ADAM12: variants seen among roughly 807,000 people sequenced by gnomAD.
ADAM12 encodes ADAM metallopeptidase domain 12, also known as disintegrin and metalloproteinase domain-containing protein 12.
ADAM12 carries 70 observed loss-of-function variants against 106.4 expected under a neutral mutation model. The observed-to-expected ratio is 0.66, with a 90% CI of 0.54 to 0.80. The LOEUF is 0.80. Among genes scored for constraint, ADAM12 ranks in the 30% least tolerant of loss-of-function variants. The pLI is 0.00. For synonymous variants in ADAM12, 420 were observed against 433.5 expected, an observed-to-expected ratio of 0.97 and a Z score of 0.39; for missense variants, 1,010 against 1,171.9, an observed-to-expected ratio of 0.86 and a Z score of 2.02.
intron 3 of ADAM12, among the ~76,000 whole-genome samples, chr10:126,194,301 A>T (rs1041844770): frequency 4.7e-5 from 7 of 147,702 alleles, no homozygotes; most frequent in Non-Finnish European, 1.0e-4. Context: ...AAAAAAAAAA[A>T]GCTTTCTGGA....
rs562915489 is a variant in ADAM12, at chr10:126,100,159, C to T, written c.911+913G>A. On this transcript the variant is annotated intron_variant, in intron 9 of 22. Coordinates refer to ENST00000448723, the MANE Select transcript of ADAM12 (RefSeq NM_001288973.2). ...GGGAGATTTACAGTGTTGGTCACCA[C>T]TGTGTTCAAAGCCCCCCAAACACTC... is the stretch of plus-strand genomic sequence containing the variant. Among the ~76,000 whole-genome samples the T allele has an allele frequency of 1.3e-4, 20 of 151,984 alleles. No homozygotes were observed. The Middle Eastern group carries it at 0.01, about 78-fold the overall frequency.
At chr10:126,250,091 C>T (rs1958715476) in intron 3 of ADAM12, among the ~76,000 whole-genome samples, 1 of 152,178 alleles carries the variant, frequency 6.6e-6, no homozygotes, top group Non-Finnish European at 1.5e-5. Flanking sequence ...GACTCCAACC[C>T]ATCCGGGACT....
chr10:126,293,343 C>T (rs1247265965), intron 2 of ADAM12, among the ~76,000 whole-genome samples: 1 of 152,022 alleles, frequency 6.6e-6, no homozygotes, highest in African/African-American at 2.4e-5. Flanking sequence ...ATGGGATCCA[C>T]ACATGGAGCC....
intron 3 of ADAM12, among the ~76,000 whole-genome samples, chr10:126,259,584 A>G (rs2133705508): frequency 6.6e-6 from 1 of 152,322 alleles, no homozygotes; most frequent in East Asian, 1.9e-4. Context: ...ATGCAATTCT[A>G]ATATTTGATA....
chr10:126,056,547 T>TA (rs1954635398), intron 14 of ADAM12, among the ~76,000 whole-genome samples: 1 of 152,164 alleles, frequency 6.6e-6, no homozygotes, highest in South Asian at 2.1e-4. Context: ...GCTGCTGCTT[T>TA]AATTTGGTAG....
At chr10:126,312,787 C>T (rs1053141515) in intron 2 of ADAM12, among the ~76,000 whole-genome samples, 1 of 152,068 alleles carries the variant, frequency 6.6e-6, no homozygotes, top group Non-Finnish European at 1.5e-5. Context: ...GCCGTCAAAC[C>T]CGGGGACATC....
chr10:126,170,599 A>T (rs141829024), intron 3 of ADAM12, among the ~76,000 whole-genome samples: 1 of 152,118 alleles, frequency 6.6e-6, no homozygotes, highest in East Asian at 1.9e-4. Flanking sequence ...TGCCAGCCCC[A>T]TGCAGACACC....
intron 2 of ADAM12, among the ~76,000 whole-genome samples, chr10:126,284,531 G>A (rs1052838283): frequency 1.3e-5 from 2 of 151,992 alleles, no homozygotes; most frequent in South Asian, 2.1e-4. Context: ...TCAGCACCCT[G>A]GGATTGCTCC....
chr10:126,287,755 G>A (rs994186407), intron 2 of ADAM12, among the ~76,000 whole-genome samples: 4 of 151,854 alleles, frequency 2.6e-5, no homozygotes, highest in East Asian at 1.9e-4. Flanking sequence ...GAGAAGTCCC[G>A]GCCTCCTAAG....
chr10:126,083,793 A>G (rs957467325), intron 11 of ADAM12, among the ~76,000 whole-genome samples: 1 of 152,242 alleles, frequency 6.6e-6, no homozygotes, highest in African/African-American at 2.4e-5. Context: ...GGCCTGAGTC[A>G]GCCCACTCTG....
intron 8 of ADAM12, among the ~76,000 whole-genome samples, chr10:126,104,447 C>T (rs1473135366): frequency 3.2e-5 from 4 of 126,254 alleles, no homozygotes; most frequent in Admixed American, 8.4e-5. Context: ...AAGACTCTGT[C>T]TAAAAAAAAA....
At chr10:126,067,159 C>T (rs544413453) in intron 12 of ADAM12, among the ~76,000 whole-genome samples, 141 of 152,308 alleles carry the variant, frequency 9.3e-4, no homozygotes, top group Middle Eastern at 3.4e-3. Flanking sequence ...GCATCAGGAT[C>T]CCTGGAGGAC....
chr10:126,338,398 G>A (rs1363097690), intron 1 of ADAM12, among the ~76,000 whole-genome samples: 2 of 150,026 alleles, frequency 1.3e-5, no homozygotes, highest in Non-Finnish European at 3.0e-5. Flanking sequence ...GACTACAGGC[G>A]CCCGCCACTA....
At chr10:126,328,279 G>C (rs1019173864) in intron 2 of ADAM12, among the ~76,000 whole-genome samples, 2 of 152,250 alleles carry the variant, frequency 1.3e-5, no homozygotes, top group Non-Finnish European at 2.9e-5. Flanking sequence ...TGAACAGAAA[G>C]AGGCAAGGAG....
intron 4 of ADAM12, among the ~76,000 whole-genome samples, chr10:126,138,282 C>T (rs1390419075): frequency 6.6e-6 from 1 of 152,184 alleles, no homozygotes; most frequent in East Asian, 1.9e-4. Context: ...GAGTTCTTCA[C>T]ATATTTTCAG....
At chr10:126,126,043 A>G (rs1022890749) in intron 5 of ADAM12, among the ~76,000 whole-genome samples, 1 of 152,292 alleles carries the variant, frequency 6.6e-6, no homozygotes, top group South Asian at 2.1e-4. Flanking sequence ...CCTGAAAAGC[A>G]GTGAGAGACT....
chr10:126,141,782 G>A (rs1956516626), intron 4 of ADAM12, among the ~76,000 whole-genome samples: 1 of 152,070 alleles, frequency 6.6e-6, no homozygotes, highest in African/African-American at 2.4e-5. Context: ...AGTCTGTTAG[G>A]GAGTATACCA....
chr10:126,036,638 G>A (rs1421727095), intron 20 of ADAM12, among the ~76,000 whole-genome samples: 3 of 152,096 alleles, frequency 2.0e-5, no homozygotes, highest in African/African-American at 4.8e-5. Flanking sequence ...AGAAAGACAC[G>A]GACCGAGATC....
intron 9 of ADAM12, among the ~76,000 whole-genome samples, chr10:126,099,282 A>C (rs1402197528): frequency 6.6e-6 from 1 of 152,232 alleles, no homozygotes; most frequent in Non-Finnish European, 1.5e-5. Flanking sequence ...GTATACAGAT[A>C]TATTGTTTGA....
Sources: gnomAD v4.1 joint callset for allele counts (sites outside exome capture counted in the v4.1 genomes callset) on GRCh38, gnomAD v4.1.1 for gene constraint, MANE v1.5 for transcripts, NCBI Gene and HGNC (gene_info 2026-07-23, HGNC 2026-07-21) for gene names.